The following DPP10 variants were observed in gnomAD, a reference collection of about 807,000 sequenced individuals.
DPP10 encodes inactive dipeptidyl peptidase 10.
DPP10 carries 33 observed loss-of-function variants against 120.9 expected under a neutral mutation model. That is an observed-to-expected ratio of 0.27 (90% CI 0.21 to 0.37). The LOEUF is 0.37. Among genes scored for constraint, DPP10 ranks in the 10% least tolerant of loss-of-function variants. DPP10 has a pLI of 1.00. For synonymous variants in DPP10, 337 were observed against 326.1 expected, an observed-to-expected ratio of 1.03 and a Z score of -0.36; for missense variants, 816 against 942.8, an observed-to-expected ratio of 0.87 and a Z score of 1.76.
chr2:115,663,361 G>A (rs1340681866), intron 5 of DPP10, among the ~76,000 whole-genome samples: 3 of 152,140 alleles, frequency 2.0e-5, no homozygotes, highest in African/African-American at 7.2e-5. Flanking sequence ...CTGTTCTTGT[G>A]TGCCTAATGC....
intron 1 of DPP10, among the ~76,000 whole-genome samples, chr2:114,586,308 T>A (rs148118562): frequency 6.6e-6 from 1 of 152,272 alleles, no homozygotes; most frequent in East Asian, 1.9e-4. Context: ...TTTATTAACT[T>A]GCTATAAGCT....
At chr2:115,708,229 TA>T (rs2092197810) in intron 7 of DPP10, among the ~76,000 whole-genome samples, 1 of 151,962 alleles carries the variant, frequency 6.6e-6, no homozygotes, top group South Asian at 2.1e-4. Flanking sequence ...TTTTAAGTGT[TA>T]GAAGAGGAAC....
chr2:115,071,459 A>C (rs1005543185), intron 1 of DPP10, among the ~76,000 whole-genome samples: 3 of 152,148 alleles, frequency 2.0e-5, no homozygotes, highest in African/African-American at 4.8e-5. Context: ...GCTCAAATCT[A>C]TCCCTCTCAC....
At chr2:115,183,065 G>A (rs917729610) in intron 1 of DPP10, among the ~76,000 whole-genome samples, 4 of 151,988 alleles carry the variant, frequency 2.6e-5, no homozygotes, top group East Asian at 1.9e-4. Flanking sequence ...ACAGAGGCAC[G>A]CACATTAACT....
Position 115,791,301 on chromosome 2 carries a change from T to A in DPP10, c.1645T>A (p.Leu549Met). ...HIDDYELPLQ[L>M]SLPKDFMDRN... ...TTCTTTAAAAGAACTTCCTTTACAGTTGTCCCTTCCCAAAGATTTTATGGA... is the reference window on the plus strand; with the variant it reads ...TTCTTTAAAAGAACTTCCTTTACAGATGTCCCTTCCCAAAGATTTTATGGA... The change falls in exon 19 of 26, where the codon TTG becomes ATG. Residue 549 changes from leucine to methionine, a missense_variant. Physicochemically the swap from Leu to Met is conservative, Grantham distance 15. This residue lies in a region of DPP10 where 592 missense variants were observed against 649.0 expected (regional missense o/e 0.91). Transcript: ENST00000410059. 6.2e-7 allele frequency: 1 copy of A among 1,612,102 alleles called. No individual in the cohort carries two copies. The highest frequency in any genetic ancestry group is 8.5e-7 in the Non-Finnish European group (1 of 1,179,380).
chr2:115,808,100 C>G (rs1303654231), intron 19 of DPP10, among the ~76,000 whole-genome samples: 1 of 152,088 alleles, frequency 6.6e-6, no homozygotes, highest in Non-Finnish European at 1.5e-5. Flanking sequence ...AATAAAATTG[C>G]AAAAGTGCCA....
intron 1 of DPP10, among the ~76,000 whole-genome samples, chr2:114,834,562 C>A (rs574733752): frequency 1.4e-5 from 2 of 145,602 alleles, no homozygotes; most frequent in Non-Finnish European, 3.1e-5. Flanking sequence ...TATCTACGCA[C>A]CTATGTATAT....
chr2:114,747,151 T>G (rs935675434), intron 1 of DPP10, among the ~76,000 whole-genome samples: 1 of 152,206 alleles, frequency 6.6e-6, no homozygotes, highest in Non-Finnish European at 1.5e-5. Context: ...GGGAGAATGA[T>G]GAGTCTGCCC....
chr2:114,533,154 C>T (rs529163377), intron 1 of DPP10, among the ~76,000 whole-genome samples: 4 of 152,064 alleles, frequency 2.6e-5, no homozygotes, highest in Non-Finnish European at 4.4e-5. Context: ...GGCATCTTAG[C>T]GTGTATAACT....
intron 23 of DPP10, 35 bp from the exon 24 acceptor site, chr2:115,836,639 T>C (rs745757646): frequency 6.2e-7 from 1 of 1,610,410 alleles, no homozygotes; most frequent in South Asian, 1.1e-5. Context: ...CTTATTTAGA[T>C]CTATAGATAC....
chr2:114,818,440 C>T (rs1191538087), intron 1 of DPP10, among the ~76,000 whole-genome samples: 1 of 152,132 alleles, frequency 6.6e-6, no homozygotes, highest in Non-Finnish European at 1.5e-5. Context: ...TGCATTACCT[C>T]ACTTTGTTGC....
intron 1 of DPP10, among the ~76,000 whole-genome samples, chr2:115,142,173 T>C (rs1196429529): frequency 6.6e-6 from 1 of 152,194 alleles, no homozygotes; most frequent in Non-Finnish European, 1.5e-5. Flanking sequence ...TAGCACACTG[T>C]TTCTACTTTA....
At chr2:114,691,878 T>C (rs989228182) in intron 1 of DPP10, among the ~76,000 whole-genome samples, 1 of 152,102 alleles carries the variant, frequency 6.6e-6, no homozygotes, top group African/African-American at 2.4e-5. Flanking sequence ...GTAGAGATGT[T>C]TATAGTATTC....
chr2:115,305,480 C>T (rs2061324031), intron 1 of DPP10, among the ~76,000 whole-genome samples: 1 of 152,140 alleles, frequency 6.6e-6, no homozygotes, highest in Non-Finnish European at 1.5e-5. Flanking sequence ...TGGTTTTAAT[C>T]CCAGAGCTTT....
chr2:115,813,586 A>G (rs1262492028), intron 19 of DPP10, among the ~76,000 whole-genome samples: 1 of 152,228 alleles, frequency 6.6e-6, no homozygotes. Context: ...TTTGGAGAAC[A>G]TAATTCAGCC....
At chr2:114,531,467 T>A (rs950294427) in intron 1 of DPP10, among the ~76,000 whole-genome samples, 58 of 150,270 alleles carry the variant, frequency 3.9e-4, no homozygotes, top group African/African-American at 1.4e-3. Context: ...AATAAATCTT[T>A]TATATATATA....
At chr2:115,350,343 A>C (rs1387484952) in intron 3 of DPP10, among the ~76,000 whole-genome samples, 3 of 152,110 alleles carry the variant, frequency 2.0e-5, no homozygotes, top group Non-Finnish European at 2.9e-5. Flanking sequence ...AATATTAAAT[A>C]ATTTTCTGTT....
At chr2:115,663,287 G>C (rs2089159738) in intron 5 of DPP10, among the ~76,000 whole-genome samples, 1 of 152,042 alleles carries the variant, frequency 6.6e-6, no homozygotes, top group Non-Finnish European at 1.5e-5. Context: ...TCTTATTCTT[G>C]ATGCCTATAT....
chr2:115,723,520 C>T (rs189801997), intron 7 of DPP10, among the ~76,000 whole-genome samples: 25 of 152,030 alleles, frequency 1.6e-4, no homozygotes, highest in African/African-American at 5.3e-4. Context: ...CTGACAATTA[C>T]GAAGAGTTTT....
Sources: allele counts gnomAD v4.1 joint callset (sites outside exome capture counted in the v4.1 genomes callset), GRCh38; gene constraint gnomAD v4.1.1; regional missense constraint gnomAD v4.1.1; transcripts MANE v1.5; gene names NCBI Gene and HGNC (gene_info 2026-07-23, HGNC 2026-07-21).